The following DNAH14 variants were observed in gnomAD, a reference collection of about 807,000 sequenced individuals.
DNAH14 encodes dynein axonemal heavy chain 14.
A neutral mutation model predicts 520.9 loss-of-function variants in DNAH14; 478 were observed. That is an observed-to-expected ratio of 0.92 (90% CI 0.85 to 0.99). The LOEUF (loss-of-function observed/expected upper bound fraction) is 0.99, where lower values mean the gene tolerates loss of function less well. Ranked by LOEUF, DNAH14 falls within the 50% of genes least tolerant of loss-of-function variation. The pLI is 0.00. For missense variants in DNAH14, 4,831 were observed against 5,234.5 expected (o/e 0.92, Z 2.38); for synonymous variants, 1,581 against 1,757.2 (o/e 0.90, Z 2.51).
chr1:225,355,420 T>A (rs1018610597), intron 73 of DNAH14, among the ~76,000 whole-genome samples: 12 of 152,146 alleles, frequency 7.9e-5, no homozygotes, highest in African/African-American at 2.4e-4. Context: ...CATGACAGGC[T>A]AATTTTTTAA....
intron 11 of DNAH14, among the ~76,000 whole-genome samples, chr1:225,035,613 T>C (rs931597187): frequency 2.0e-5 from 3 of 152,118 alleles, no homozygotes; most frequent in Non-Finnish European, 4.4e-5. Context: ...TTTCCATGTG[T>C]TTGTATAGTT....
chr1:225,301,221 G>T (rs2094133274), intron 56 of DNAH14, among the ~76,000 whole-genome samples, 191 bp downstream of exon 56: 1 of 152,082 alleles, frequency 6.6e-6, no homozygotes, highest in Non-Finnish European at 1.5e-5. Context: ...ACATGAATCT[G>T]AGCCTGTCTG....
chr1:225,179,740 A>G (rs1042907335), intron 36 of DNAH14, among the ~76,000 whole-genome samples: 2 of 152,152 alleles, frequency 1.3e-5, no homozygotes, highest in Non-Finnish European at 2.9e-5. Flanking sequence ...GTTACATGTT[A>G]TCATAATTTT....
chr1:225,395,563 G>A (rs1260920445), intron 84 of DNAH14, among the ~76,000 whole-genome samples: 1 of 143,942 alleles, frequency 6.9e-6, no homozygotes, highest in Non-Finnish European at 1.5e-5. Flanking sequence ...CTGCGCTCCA[G>A]CCTGCGCGAC....
intron 41 of DNAH14, among the ~76,000 whole-genome samples, chr1:225,208,881 G>A (rs189825452): frequency 6.6e-6 from 1 of 152,222 alleles, no homozygotes; most frequent in East Asian, 1.9e-4. Context: ...TCTGCTGTAA[G>A]CCCATTGAAA....
At chr1:225,234,831 A>G (rs2091450919) in intron 42 of DNAH14, among the ~76,000 whole-genome samples, 1 of 151,992 alleles carries the variant, frequency 6.6e-6, no homozygotes, top group African/African-American at 2.4e-5. Context: ...TTTATTCATG[A>G]TTTGGCTCTC....
At chr1:225,330,677 T>G (rs770941795) in intron 64 of DNAH14, among the ~76,000 whole-genome samples, 16 of 151,918 alleles carry the variant, frequency 1.1e-4, no homozygotes, top group Non-Finnish European at 2.1e-4. Context: ...TGGGAAGGTA[T>G]GAGGAAGGTA....
At chr1:225,370,649 G>A (rs4576637) in intron 77 of DNAH14, among the ~76,000 whole-genome samples, 1 of 151,818 alleles carries the variant, frequency 6.6e-6, no homozygotes, top group African/African-American at 2.4e-5. Context: ...AATGTCTCCA[G>A]TATTAAAGAA....
intron 80 of DNAH14, 78 bp downstream of exon 80, chr1:225,380,400 G>A: frequency 6.3e-6 from 9 of 1,423,132 alleles, no homozygotes; most frequent in Non-Finnish European, 8.4e-6. Flanking sequence ...GTAAGGTAAA[G>A]ATAAGACAAA....
intron 36 of DNAH14, among the ~76,000 whole-genome samples, chr1:225,183,764 C>A (rs1315828508): frequency 1.3e-5 from 2 of 149,058 alleles, no homozygotes; most frequent in Non-Finnish European, 1.5e-5. Context: ...TACAGAAATA[C>A]AAAAGATCCT....
chr1:225,155,074 A>T (rs1193205457), intron 34 of DNAH14, among the ~76,000 whole-genome samples: 3 of 152,184 alleles, frequency 2.0e-5, no homozygotes, highest in Non-Finnish European at 4.4e-5. Context: ...AATTAAAATG[A>T]CACTGAAATT....
intron 21 of DNAH14, among the ~76,000 whole-genome samples, chr1:225,087,286 G>C (rs2073928903): frequency 6.6e-6 from 1 of 152,198 alleles, no homozygotes; most frequent in African/African-American, 2.4e-5. Context: ...ATAGAGAAAG[G>C]GGGCTGAATT....
At chr1:225,253,537 C>A (rs1464197636) in intron 44 of DNAH14, among the ~76,000 whole-genome samples, 2 of 151,978 alleles carry the variant, frequency 1.3e-5, no homozygotes, top group Non-Finnish European at 2.9e-5. Context: ...GTTTGGACAT[C>A]CTAGATGTGC....
In DNAH14 at chr1:225,152,827, C is replaced by T; in HGVS notation, c.5140C>T (p.Leu1714Phe). The T allele has an allele frequency of 4.5e-6, 7 of 1,551,342 alleles. No individual in the cohort carries two copies. In the South Asian group the frequency reaches 8.3e-5, roughly 18 times the overall value. ...ATTTGGTTTCAAATCTGCAAATTCACTCTCTGGAAAGCTAACTAACCTTTA... is the reference window on the plus strand; with the variant it reads ...ATTTGGTTTCAAATCTGCAAATTCATTCTCTGGAAAGCTAACTAACCTTTA... ...FSFGFKSANS[L>F]SGKLTNLYEL... Residue 1714 changes from leucine to phenylalanine, a missense_variant, in exon 33 of 86, where the codon CTC becomes TTC. Leu to Phe is a conservative substitution (Grantham distance 22). Transcript: ENST00000682510.
At chr1:224,978,556 G>C (rs945816675) in intron 8 of DNAH14, among the ~76,000 whole-genome samples, 5 of 152,068 alleles carry the variant, frequency 3.3e-5, no homozygotes, top group Admixed American at 2.0e-4. Context: ...ATAGATGGGA[G>C]GAATAAGTTG....
chr1:225,067,275 T>C (rs1284675547), intron 17 of DNAH14, among the ~76,000 whole-genome samples: 1 of 152,188 alleles, frequency 6.6e-6, no homozygotes, highest in East Asian at 1.9e-4. Context: ...GCTTCATCCA[T>C]GTCCCTGCAC....
At chr1:225,058,466 C>G (rs1572761241) in intron 17 of DNAH14, among the ~76,000 whole-genome samples, 1 of 152,050 alleles carries the variant, frequency 6.6e-6, no homozygotes, top group South Asian at 2.1e-4. Flanking sequence ...TTTTGTTGAT[C>G]TTTTCAAAAA....
intron 1 of DNAH14, among the ~76,000 whole-genome samples, chr1:224,948,647 C>T (rs2059990536): frequency 6.6e-6 from 1 of 151,848 alleles, no homozygotes; most frequent in South Asian, 2.1e-4. Context: ...CTTTCTGTCT[C>T]CTCTTAGATG....
intron 26 of DNAH14, among the ~76,000 whole-genome samples, chr1:225,121,435 A>G (rs2077275890): frequency 6.6e-6 from 1 of 152,136 alleles, no homozygotes. Flanking sequence ...GGTTAACACC[A>G]TTCTACTCTC....
Sources: gnomAD v4.1 joint callset for allele counts (sites outside exome capture counted in the v4.1 genomes callset) on GRCh38, gnomAD v4.1.1 for gene constraint, MANE v1.5 for transcripts, NCBI Gene and HGNC (gene_info 2026-07-23, HGNC 2026-07-21) for gene names.